The following DENND1B variants were observed in gnomAD, a reference collection of about 807,000 sequenced individuals.
DENND1B encodes the protein DENN domain-containing protein 1B.
In DENND1B, 59 loss-of-function variants were observed where a neutral mutation model predicts 90.1. That is an observed-to-expected ratio of 0.65 (90% CI 0.53 to 0.81). The LOEUF (loss-of-function observed/expected upper bound fraction) is 0.81. Ranked by LOEUF, DENND1B falls within the 40% of genes least tolerant of loss-of-function variation. The pLI is 0.00. For synonymous variants in DENND1B, 337 were observed against 324.6 expected, an observed-to-expected ratio of 1.04 and a Z score of -0.41; for missense variants, 862 against 912.6, an observed-to-expected ratio of 0.94 and a Z score of 0.71.
intron 11 of DENND1B, 54 bp downstream of exon 11, chr1:197,617,603 CAG>C (rs1320965231): frequency 7.7e-7 from 1 of 1,291,772 alleles, no homozygotes; most frequent in Non-Finnish European, 1.1e-6. Flanking sequence ...CACAAATAAA[CAG>C]ATAATCTAAT....
intron 15 of DENND1B, among the ~76,000 whole-genome samples, chr1:197,580,858 C>T (rs1674171771): frequency 1.3e-5 from 2 of 152,138 alleles, no homozygotes; most frequent in African/African-American, 4.8e-5. Context: ...TAGGCTTTGT[C>T]TCCTGTACTG....
At chr1:197,546,069 C>A (rs1393125434) in intron 17 of DENND1B, 79 bp from the exon 18 acceptor site, 3 of 1,217,544 alleles carry the variant, frequency 2.5e-6, no homozygotes, top group Admixed American at 2.8e-5. Context: ...CAGTAAGTTG[C>A]ATATTTAAAA....
chr1:197,542,108 A>G (rs946034248), intron 18 of DENND1B, among the ~76,000 whole-genome samples: 1 of 152,234 alleles, frequency 6.6e-6, no homozygotes, highest in Non-Finnish European at 1.5e-5. Context: ...CAATGCAAGT[A>G]TTCTCCAGAG....
Position 197,651,748 on chromosome 1 carries a change from C to T in DENND1B, c.447+487G>A, listed in dbSNP as rs1259781256. ...TCGGCTCACTGCAAGCTCCGCCTCC[C>T]GGGTTCACGCCATTCTCCTGCCTCA... is the stretch of plus-strand genomic sequence containing the variant. On this transcript the variant is annotated intron_variant, in intron 7 of 22. Transcript: ENST00000620048. Among the ~76,000 whole-genome samples, 4 of 147,926 alleles carry T rather than the reference C, an allele frequency of 2.7e-5. No homozygotes were observed. In the East Asian group the frequency reaches 8.2e-4, roughly 30 times the overall value.
chr1:197,566,979 C>T (rs1408922282), intron 15 of DENND1B, among the ~76,000 whole-genome samples: 1 of 151,770 alleles, frequency 6.6e-6, no homozygotes, highest in Admixed American at 6.6e-5. Flanking sequence ...AGACTAATGA[C>T]AGTAAATAAA....
rs536182853 is a variant in DENND1B at position 197,575,244 on chromosome 1, A to G, written c.1149+7908T>C. On this transcript the variant is annotated intron_variant, in intron 15 of 22. Transcript: ENST00000620048. ...CAAAGAACTTAAACAAATTTACAAGAAAAAAAAAAACCATTAAAAAGTGGG... is the reference window on the plus strand; with the variant it reads ...CAAAGAACTTAAACAAATTTACAAGGAAAAAAAAAACCATTAAAAAGTGGG... Among the ~76,000 whole-genome samples the G allele has an allele frequency of 2.7e-5, 4 of 149,538 alleles. No individual in the cohort carries two copies. The South Asian group carries it at 8.6e-4, about 32-fold the overall frequency.
intron 20 of DENND1B, among the ~76,000 whole-genome samples, chr1:197,537,380 A>G (rs1669988752): frequency 6.6e-6 from 1 of 152,176 alleles, no homozygotes; most frequent in Admixed American, 6.5e-5. Flanking sequence ...AACTGAATTA[A>G]TGATAATATA....
chr1:197,770,710 AT>A, intron 2 of DENND1B, among the ~76,000 whole-genome samples: 1 of 143,014 alleles, frequency 7.0e-6, no homozygotes, highest in South Asian at 2.1e-4. Context: ...CTATAAATAT[AT>A]AAATATATAT....
chr1:197,527,248 T>C (rs1005549985), intron 20 of DENND1B, among the ~76,000 whole-genome samples: 1 of 152,034 alleles, frequency 6.6e-6, no homozygotes, highest in East Asian at 1.9e-4. Context: ...CATGGACGTG[T>C]GTTAAAAGAA....
rs1011459405 is a variant in DENND1B, at chr1:197,507,031, A to G, written c.*3429T>C. The stretch of plus-strand genomic sequence containing the variant: ...AATAATTGAGAAAGTTAATGAAATT[A>G]GAAATGATACTATGGTTCATACTTA... On this transcript the variant is annotated 3_prime_UTR_variant, in exon 23 of 23. Coordinates refer to ENST00000620048, the MANE Select transcript of DENND1B (RefSeq NM_001195215.2). The G allele has an allele frequency of 4.0e-5, 6 of 151,352 alleles. No individual in the cohort carries two copies. The highest frequency in any genetic ancestry group is 1.5e-4 in the African/African-American group (6 of 41,352). 9.4% of individuals were successfully genotyped at this position (151,352 alleles called of 1,614,324 possible).
intron 3 of DENND1B, among the ~76,000 whole-genome samples, chr1:197,675,140 C>T (rs998223095): frequency 1.3e-5 from 2 of 151,886 alleles, no homozygotes; most frequent in Admixed American, 6.6e-5. Flanking sequence ...GGATGTTTCC[C>T]ATTAAAAAGA....
At chr1:197,679,587 T>A (rs1348353841) in intron 3 of DENND1B, among the ~76,000 whole-genome samples, 1 of 150,854 alleles carries the variant, frequency 6.6e-6, no homozygotes, top group Non-Finnish European at 1.5e-5. Context: ...TATACACACA[T>A]ATATTCCATG....
intron 2 of DENND1B, chr1:197,736,171 T>C: frequency 1.8e-6 from 1 of 552,840 alleles, no homozygotes; most frequent in Non-Finnish European, 3.3e-6. Context: ...AAATATAGGT[T>C]GGAATACTGC....
In DENND1B at chr1:197,506,850, A is replaced by G. The variant is rs114546386; in HGVS notation, c.*3610T>C. 32 of 151,608 alleles carry G rather than the reference A, an allele frequency of 2.1e-4. No individual in the cohort carries two copies. The highest frequency in any genetic ancestry group is 7.5e-4 in the African/African-American group (31 of 41,494). 9.4% of individuals were successfully genotyped at this position (151,608 alleles called of 1,614,324 possible). A position where few individuals can be genotyped will look rare whatever the true frequency, so the allele number is the denominator to read the frequency against. ...CTTCAGTTACTCCTAAACTGAGTAC[A>G]GTGGCTCTAAGTATTGAAAAGGAGC... On this transcript the variant is annotated 3_prime_UTR_variant, in exon 23 of 23. Coordinates refer to ENST00000620048, the MANE Select transcript of DENND1B (RefSeq NM_001195215.2).
chr1:197,519,691 G>A (rs746985305), intron 20 of DENND1B, among the ~76,000 whole-genome samples: 1 of 151,954 alleles, frequency 6.6e-6, no homozygotes, highest in Non-Finnish European at 1.5e-5. Flanking sequence ...GTCTTTCCCT[G>A]AAAGATATTT....
chr1:197,593,266 A>G (rs985118021), intron 14 of DENND1B, among the ~76,000 whole-genome samples: 10 of 151,774 alleles, frequency 6.6e-5, no homozygotes, highest in African/African-American at 2.4e-4. Flanking sequence ...TAATCATCTA[A>G]GTGCATTCAG....
At chr1:197,715,675 G>T (rs1037941875) in intron 2 of DENND1B, among the ~76,000 whole-genome samples, 2 of 151,612 alleles carry the variant, frequency 1.3e-5, no homozygotes, top group African/African-American at 4.8e-5. Context: ...GCATTTCACA[G>T]AAATTTTTCT....
chr1:197,562,638 T>C (rs1007702588), intron 15 of DENND1B, among the ~76,000 whole-genome samples: 3 of 151,760 alleles, frequency 2.0e-5, no homozygotes, highest in Non-Finnish European at 4.4e-5. Context: ...TATTCTCCCA[T>C]CTCTCTCCCT....
intron 14 of DENND1B, 47 bp downstream of exon 14, chr1:197,595,161 G>T: frequency 6.4e-7 from 1 of 1,564,740 alleles, no homozygotes; most frequent in Non-Finnish European, 8.6e-7. Context: ...TCATTCCAAA[G>T]AACCATAAAA....
Sources: gnomAD v4.1 joint callset for allele counts (sites outside exome capture counted in the v4.1 genomes callset) on GRCh38, gnomAD v4.1.1 for gene constraint, MANE v1.5 for transcripts, NCBI Gene and HGNC (gene_info 2026-07-23, HGNC 2026-07-21) for gene names.